The following GRIA4 variants were observed in gnomAD, a reference collection of about 807,000 sequenced individuals.
The protein encoded by GRIA4 is glutamate ionotropic receptor AMPA type subunit 4.
In GRIA4, 34 loss-of-function variants were observed where a neutral mutation model predicts 104.0. That is an observed-to-expected ratio of 0.33 (90% CI 0.25 to 0.44). GRIA4 has a LOEUF of 0.44. Ranked by LOEUF, GRIA4 falls within the 20% of genes least tolerant of loss-of-function variation. GRIA4 has a pLI of 1.00. For synonymous variants in GRIA4, 386 were observed against 381.9 expected (o/e 1.01, Z -0.13); for missense variants, 750 against 1,096.5 (o/e 0.68, Z 4.46).
chr11:105,639,338 A>T (rs189699173), intron 3 of GRIA4, among the ~76,000 whole-genome samples: 30 of 152,206 alleles, frequency 2.0e-4, no homozygotes, highest in Non-Finnish European at 3.4e-4. Context: ...AATTAATTTC[A>T]TGACTATAAG....
intron 12 of GRIA4, among the ~76,000 whole-genome samples, chr11:105,925,518 G>A (rs1055370379): frequency 6.6e-6 from 1 of 152,026 alleles, no homozygotes; most frequent in Non-Finnish European, 1.5e-5. Flanking sequence ...CTATATATTA[G>A]CATCACAAAT....
intron 3 of GRIA4, among the ~76,000 whole-genome samples, chr11:105,651,432 G>C (rs1279159824): frequency 6.6e-6 from 1 of 152,070 alleles, no homozygotes; most frequent in East Asian, 1.9e-4. Flanking sequence ...TGAAGAAATG[G>C]AAGACATAGT....
chr11:105,881,638 G>A (rs1946064275), intron 5 of GRIA4, among the ~76,000 whole-genome samples: 1 of 152,050 alleles, frequency 6.6e-6, no homozygotes, highest in African/African-American at 2.4e-5. Flanking sequence ...CCAAAAAAGA[G>A]TTCTTCCTAA....
intron 4 of GRIA4, among the ~76,000 whole-genome samples, chr11:105,792,628 T>A (rs920709495): frequency 2.0e-5 from 3 of 152,150 alleles, no homozygotes; most frequent in Non-Finnish European, 2.9e-5. Context: ...CACATACTTT[T>A]AACATACCTG....
chr11:105,787,472 CTTTTTTT>C (rs67901321), intron 4 of GRIA4, among the ~76,000 whole-genome samples: 88 of 98,614 alleles, frequency 8.9e-4, no homozygotes, highest in African/African-American at 3.4e-3. Flanking sequence ...TAAAGAATTC[CTTTTTTT>C]TTTTTTTTTT....
At chr11:105,890,943 C>T (rs1346812705) in intron 6 of GRIA4, among the ~76,000 whole-genome samples, 2 of 152,002 alleles carry the variant, frequency 1.3e-5, no homozygotes, top group Admixed American at 1.3e-4. Context: ...TTTATTAAAC[C>T]CATCATCTAG....
At chr11:105,616,080 A>G (rs1950591962) in intron 3 of GRIA4, among the ~76,000 whole-genome samples, 1 of 151,754 alleles carries the variant, frequency 6.6e-6, no homozygotes. Flanking sequence ...TGGATCAAGT[A>G]CTCATGTATT....
At position 105,971,963 on chromosome 11, in the gene GRIA4, G is replaced by A; in HGVS notation, c.2344G>A (p.Asp782Asn). Residue 782 changes from aspartate (D) to asparagine (N), a missense_variant, in exon 15 of 17, where the codon GAC becomes AAC. Coordinates refer to ENST00000282499, the MANE Select transcript of GRIA4 (RefSeq NM_000829.4). ...GAAACTCAGTGAGGCAGGCGTCTTAGACAAGCTGAAAAACAAATGGTGGTA... is the reference window on the plus strand; with the variant it reads ...GAAACTCAGTGAGGCAGGCGTCTTAAACAAGCTGAAAAACAAATGGTGGTA... ...VLKLSEAGVL[D>N]KLKNKWWYDK... 6.2e-7 allele frequency: 1 copy of A among 1,613,010 alleles called. No individual in the cohort carries two copies. The highest frequency in any genetic ancestry group is 8.5e-7 in the Non-Finnish European group (1 of 1,179,236).
chr11:105,717,722 A>G (rs1229093360), intron 3 of GRIA4, among the ~76,000 whole-genome samples: 2 of 151,522 alleles, frequency 1.3e-5, no homozygotes, highest in Non-Finnish European at 2.9e-5. Context: ...TTTATTTATT[A>G]TTATTATACT....
chr11:105,889,539 T>TGCATA (rs1946389024), intron 6 of GRIA4, among the ~76,000 whole-genome samples: 1 of 152,186 alleles, frequency 6.6e-6, no homozygotes, highest in Non-Finnish European at 1.5e-5. Flanking sequence ...GAGAGCTATG[T>TGCATA]GCATAAGATT....
chr11:105,777,268 G>T (rs1013216829), intron 4 of GRIA4, among the ~76,000 whole-genome samples: 1 of 152,078 alleles, frequency 6.6e-6, no homozygotes. Context: ...AAAAAAGTTG[G>T]TATGAAATAA....
chr11:105,635,065 G>A (rs1052493717), intron 3 of GRIA4, among the ~76,000 whole-genome samples: 1 of 152,166 alleles, frequency 6.6e-6, no homozygotes, highest in African/African-American at 2.4e-5. Context: ...GTGATACACA[G>A]TGTTTCTGGT....
chr11:105,665,850 C>G (rs1952148602), intron 3 of GRIA4, among the ~76,000 whole-genome samples: 1 of 151,950 alleles, frequency 6.6e-6, no homozygotes, highest in African/African-American at 2.4e-5. Flanking sequence ...AAACATTTCA[C>G]AGAAAGAAAT....
At chr11:105,856,584 A>G (rs1945014799) in intron 4 of GRIA4, among the ~76,000 whole-genome samples, 2 of 152,190 alleles carry the variant, frequency 1.3e-5, no homozygotes, top group African/African-American at 4.8e-5. Context: ...TCTAGCTGAA[A>G]GAGAAGCAAG....
chr11:105,743,646 C>T (rs1057386041), intron 3 of GRIA4, among the ~76,000 whole-genome samples: 1 of 152,138 alleles, frequency 6.6e-6, no homozygotes, highest in Non-Finnish European at 1.5e-5. Flanking sequence ...ACCAGCTAGA[C>T]ACCTGGGACC....
intron 3 of GRIA4, among the ~76,000 whole-genome samples, chr11:105,627,888 G>A (rs1276281083): frequency 2.0e-5 from 3 of 152,016 alleles, no homozygotes; most frequent in African/African-American, 7.2e-5. Flanking sequence ...TCAAGCATCC[G>A]CCGCCTTTTT....
intron 3 of GRIA4, among the ~76,000 whole-genome samples, chr11:105,630,590 A>G (rs184574414): frequency 1.3e-5 from 2 of 152,140 alleles, no homozygotes; most frequent in East Asian, 1.9e-4. Flanking sequence ...CAAAACACCA[A>G]CTAAATATGT....
Position 105,866,686 on chromosome 11 carries a change from A to T in GRIA4, c.672+4478A>T, listed in dbSNP as rs895202240. On this transcript the variant is annotated intron_variant, in intron 5 of 16. Transcript: ENST00000282499. ...CTGGTTAACTAAGGTTTAAACCAAA[A>T]GTATTTCCTAAAATCCTACTAAAAT... Among the ~76,000 whole-genome samples the T allele has an allele frequency of 1.3e-4, 20 of 151,346 alleles. 1 individual carries two copies. The highest frequency in any genetic ancestry group is 3.4e-4 in the African/African-American group (14 of 41,314).
At chr11:105,643,913 T>C (rs1951445150) in intron 3 of GRIA4, among the ~76,000 whole-genome samples, 1 of 152,074 alleles carries the variant, frequency 6.6e-6, no homozygotes, top group Non-Finnish European at 1.5e-5. Context: ...GAGACAGGGT[T>C]TCACCATGTT....
Sources: gnomAD v4.1 joint callset for allele counts (sites outside exome capture counted in the v4.1 genomes callset) on GRCh38, gnomAD v4.1.1 for gene constraint, MANE v1.5 for transcripts, NCBI Gene and HGNC (gene_info 2026-07-23, HGNC 2026-07-21) for gene names.